MAP2: variants seen among roughly 807,000 people sequenced by gnomAD.
MAP2 encodes the protein microtubule-associated protein 2.
In MAP2, 14 loss-of-function variants were observed where a neutral mutation model predicts 137.6. The ratio of observed to expected loss-of-function variants is 0.10; its 90% CI spans 0.07 to 0.16. The LOEUF (loss-of-function observed/expected upper bound fraction) is 0.16. Ranked by LOEUF, MAP2 falls within the 10% of genes least tolerant of loss-of-function variation. The probability of loss-of-function intolerance (pLI) is 1.00; values close to 1 mark genes in which losing one functional copy is unlikely to be tolerated. For missense variants in MAP2, 2,088 were observed against 2,191.5 expected (o/e 0.95, Z 0.94); for synonymous variants, 786 against 782.3 (o/e 1.00, Z -0.08).
chr2:209,576,514 T>G (rs1023967789), intron 2 of MAP2, among the ~76,000 whole-genome samples: 1 of 152,156 alleles, frequency 6.6e-6, no homozygotes, highest in African/African-American at 2.4e-5. Flanking sequence ...CCCAAAGTGC[T>G]GAGATTACAG....
chr2:209,657,200 C>A (rs1582469552), intron 5 of MAP2, among the ~76,000 whole-genome samples: 1 of 152,122 alleles, frequency 6.6e-6, no homozygotes. Flanking sequence ...TAGGTTGATT[C>A]CATACCTTTG....
At chr2:209,681,060 G>T (rs1326032850) in intron 7 of MAP2, among the ~76,000 whole-genome samples, 1 of 152,134 alleles carries the variant, frequency 6.6e-6, no homozygotes, top group Non-Finnish European at 1.5e-5. Context: ...TTAAGGAAAA[G>T]AATTTTGTGT....
chr2:209,478,180 T>G (rs1382278586), intron 1 of MAP2, among the ~76,000 whole-genome samples: 1 of 152,094 alleles, frequency 6.6e-6, no homozygotes, highest in Non-Finnish European at 1.5e-5. Flanking sequence ...TTATTGCTAG[T>G]TACCTGTAAG....
chr2:209,669,089 A>T (rs2047623461), intron 5 of MAP2, among the ~76,000 whole-genome samples: 1 of 152,066 alleles, frequency 6.6e-6, no homozygotes, highest in Non-Finnish European at 1.5e-5. Context: ...AGCTATAATG[A>T]TATAAAATAT....
intron 7 of MAP2, 68 bp from the exon 8 acceptor site, chr2:209,692,557 T>A: frequency 1.1e-5 from 17 of 1,483,638 alleles, no homozygotes; most frequent in Non-Finnish European, 1.5e-5. Context: ...CTTCAAAATA[T>A]AATTTTAAGC....
At chr2:209,517,504 G>A (rs973507481) in intron 2 of MAP2, among the ~76,000 whole-genome samples, 1 of 151,964 alleles carries the variant, frequency 6.6e-6, no homozygotes, top group Non-Finnish European at 1.5e-5. Flanking sequence ...AAACTAAACA[G>A]TTTCTCTTTG....
At chr2:209,548,079 G>A (rs1260332670) in intron 2 of MAP2, among the ~76,000 whole-genome samples, 1 of 152,116 alleles carries the variant, frequency 6.6e-6, no homozygotes, top group Non-Finnish European at 1.5e-5. Flanking sequence ...TTTATTAGCT[G>A]GACACAAAGT....
chr2:209,513,060 TG>T (rs778561362), intron 2 of MAP2, among the ~76,000 whole-genome samples: 53 of 152,286 alleles, frequency 3.5e-4, no homozygotes, highest in South Asian at 2.1e-4. Context: ...AACAGCATAT[TG>T]CACAATTAAG....
intron 3 of MAP2, among the ~76,000 whole-genome samples, chr2:209,594,369 G>T (rs1256193741): frequency 8.5e-5 from 13 of 152,096 alleles, no homozygotes; most frequent in Admixed American, 8.5e-4. Context: ...AGAAGAAGAA[G>T]GGTCTCAAAT....
chr2:209,574,911 T>C (rs1234040112), intron 2 of MAP2, among the ~76,000 whole-genome samples: 3 of 152,242 alleles, frequency 2.0e-5, no homozygotes, highest in Non-Finnish European at 4.4e-5. Flanking sequence ...ATAAGTATTA[T>C]TTCTATTATA....
chr2:209,543,705 T>C (rs2067453280), intron 2 of MAP2, among the ~76,000 whole-genome samples: 1 of 152,218 alleles, frequency 6.6e-6, no homozygotes, highest in South Asian at 2.1e-4. Context: ...TTGTGTCAGG[T>C]TTCTTTAGAT....
intron 12 of MAP2, among the ~76,000 whole-genome samples, chr2:209,708,848 A>G (rs1290665596): frequency 6.6e-6 from 1 of 152,190 alleles, no homozygotes; most frequent in Non-Finnish European, 1.5e-5. Context: ...ATCTGGGTGA[A>G]TGAGCCTCAA....
chr2:209,470,573 A>G (rs1705416746), intron 1 of MAP2, among the ~76,000 whole-genome samples: 1 of 151,808 alleles, frequency 6.6e-6, no homozygotes, highest in South Asian at 2.1e-4. Flanking sequence ...GCAGTGGGTA[A>G]GGGTAAAATC....
intron 1 of MAP2, among the ~76,000 whole-genome samples, chr2:209,470,110 A>AT (rs1381461999): frequency 6.6e-6 from 1 of 152,124 alleles, no homozygotes; most frequent in African/African-American, 2.4e-5. Context: ...AGTCATCCAT[A>AT]TTTTTTTAAT....
intron 1 of MAP2, among the ~76,000 whole-genome samples, chr2:209,499,714 C>T (rs2060159773): frequency 6.6e-6 from 1 of 152,106 alleles, no homozygotes; most frequent in Admixed American, 6.5e-5. Context: ...TGGAGAGCAA[C>T]ACAGGAGCAG....
rs149657809 is a variant in MAP2 at position 209,686,958 on chromosome 2, T to A, written c.455-5667T>A. On this transcript the variant is annotated intron_variant, in intron 7 of 15. Transcript: ENST00000682079. Reference sequence around the variant, plus strand: ...AACAAAACATAAGAAAACAAGTTTATAATATTAGAGGCTTTCTTAAAACAG... The same window carrying A: ...AACAAAACATAAGAAAACAAGTTTAAAATATTAGAGGCTTTCTTAAAACAG... 2.4e-3 allele frequency among the ~76,000 whole-genome samples: 372 copies of A among 152,078 alleles called. 2 individuals carry two copies. The highest frequency in any genetic ancestry group is 8.5e-3 in the African/African-American group (351 of 41,486).
At chr2:209,574,710 T>C (rs1463650531) in intron 2 of MAP2, among the ~76,000 whole-genome samples, 2 of 152,250 alleles carry the variant, frequency 1.3e-5, no homozygotes, top group Non-Finnish European at 2.9e-5. Context: ...GTGCTGATTA[T>C]GACACTTTTT....
chr2:209,691,920 T>C (rs2059018370), intron 7 of MAP2, among the ~76,000 whole-genome samples: 1 of 152,214 alleles, frequency 6.6e-6, no homozygotes, highest in African/African-American at 2.4e-5. Context: ...AAATATGTAA[T>C]AGAAACTGGC....
At position 209,729,807 on chromosome 2, in the gene MAP2, G is replaced by A. The variant is rs199752878; in HGVS notation, c.5156-43G>A. On this transcript the variant is annotated intron_variant, in intron 14 of 15. Coordinates refer to ENST00000682079, the MANE Select transcript of MAP2 (RefSeq NM_001375505.1). ...GTCATTTTTGGGAAATAGTTACCACGAATGCAAGATATAGTTAAATCAAGG... is the reference window on the plus strand; with the variant it reads ...GTCATTTTTGGGAAATAGTTACCACAAATGCAAGATATAGTTAAATCAAGG... 95 of 1,341,378 alleles carry A rather than the reference G, an allele frequency of 7.1e-5. 1 individual carries two copies. Among genetic ancestry groups the A allele is most frequent in the African/African-American group, 2.0e-4 (14 of 68,912 alleles). The allele number at this position is 1,341,378 out of a possible 1,614,324, so 83.1% of individuals were successfully genotyped here. A position where few individuals can be genotyped will look rare whatever the true frequency, so the allele number is the denominator to read the frequency against.
Sources: gnomAD v4.1 joint callset for allele counts (sites outside exome capture counted in the v4.1 genomes callset) on GRCh38, gnomAD v4.1.1 for gene constraint, MANE v1.5 for transcripts, NCBI Gene and HGNC (gene_info 2026-07-23, HGNC 2026-07-21) for gene names.